POFUT3: variants seen among roughly 807,000 people sequenced by gnomAD.
The protein encoded by POFUT3 is protein O-fucosyltransferase 3.
chr8:33,432,013 T>C, the POFUT3 span, among the ~76,000 whole-genome samples: 2 of 152,164 alleles, frequency 1.3e-5, no homozygotes, highest in Admixed American at 6.6e-5. Flanking sequence ...CAGTGGCTTA[T>C]GCCTATAATC....
chr8:33,372,713 G>C, the POFUT3 span: 3 of 1,614,084 alleles, frequency 1.9e-6, no homozygotes, highest in East Asian at 2.2e-5. Flanking sequence ...AGAGCTCAAA[G>C]GTGGAGTCCG....
the POFUT3 span, among the ~76,000 whole-genome samples, chr8:33,447,485 C>A: frequency 2.0e-5 from 3 of 152,082 alleles, no homozygotes; most frequent in Non-Finnish European, 4.4e-5. Flanking sequence ...TTTTCCTCCT[C>A]ACTTCAATAA....
chr8:33,316,445 G>C, the POFUT3 span, among the ~76,000 whole-genome samples: 1 of 151,986 alleles, frequency 6.6e-6, no homozygotes, highest in African/African-American at 2.4e-5. Flanking sequence ...TTTTAGCCAG[G>C]CACGGTGGCT....
At chr8:33,389,851 T>G in the POFUT3 span, 4 of 1,306,406 alleles carry the variant, frequency 3.1e-6, no homozygotes, top group Non-Finnish European at 4.4e-6. Context: ...TGTTGCTAAG[T>G]TTGGGTCTAC....
chr8:33,410,154 C>T, the POFUT3 span, among the ~76,000 whole-genome samples: 3 of 151,888 alleles, frequency 2.0e-5, no homozygotes, highest in African/African-American at 4.8e-5. Flanking sequence ...AGGAAGTGTC[C>T]GAGAGTTGAC....
the POFUT3 span, chr8:33,372,879 T>G: frequency 7.4e-7 from 1 of 1,350,340 alleles, no homozygotes; most frequent in East Asian, 2.4e-5. Flanking sequence ...CAACAGACTT[T>G]CCTTAAAACA....
chr8:33,411,120 G>A, the POFUT3 span, among the ~76,000 whole-genome samples: 9 of 152,218 alleles, frequency 5.9e-5, no homozygotes, highest in Non-Finnish European at 1.3e-4. Flanking sequence ...TGGCACCACA[G>A]AGATATTGTT....
chr8:33,473,012 A>C, the POFUT3 span: 1 of 151,614 alleles, frequency 6.6e-6, no homozygotes, highest in African/African-American at 2.4e-5. Flanking sequence ...TCAAGCCCCT[A>C]CCCCCACCAA....
At chr8:33,336,646 C>T in the POFUT3 span, among the ~76,000 whole-genome samples, 1 of 152,054 alleles carries the variant, frequency 6.6e-6, no homozygotes, top group African/African-American at 2.4e-5. Flanking sequence ...GGGGATTTCA[C>T]CCTGAAAAAG....
chr8:33,460,745 C>G, the POFUT3 span: 1 of 985,166 alleles, frequency 1.0e-6, no homozygotes, highest in Non-Finnish European at 1.2e-6. Context: ...CTGCCTGACA[C>G]GTCCATTCAC....
the POFUT3 span, among the ~76,000 whole-genome samples, chr8:33,394,647 C>A: frequency 6.6e-6 from 1 of 151,032 alleles, no homozygotes; most frequent in Non-Finnish European, 1.5e-5. Context: ...ACATGATATA[C>A]ATGAAAGGTT....
chr8:33,390,249 G>A, the POFUT3 span, among the ~76,000 whole-genome samples: 1 of 151,950 alleles, frequency 6.6e-6, no homozygotes, highest in Admixed American at 6.6e-5. Context: ...CAGTGTCACT[G>A]CAAAGTGCCT....
chr8:33,389,004 C>T, the POFUT3 span: 25 of 1,614,188 alleles, frequency 1.5e-5, no homozygotes, highest in Non-Finnish European at 8.5e-7. Flanking sequence ...TTGGTGCACA[C>T]CATACACTCA....
chr8:33,441,264 G>T, the POFUT3 span, among the ~76,000 whole-genome samples: 3 of 150,724 alleles, frequency 2.0e-5, no homozygotes, highest in East Asian at 5.9e-4. Flanking sequence ...CCGGGAAGCA[G>T]AGGTTGCAGT....
chr8:33,371,912 T>A, the POFUT3 span: 9 of 152,498 alleles, frequency 5.9e-5, no homozygotes, highest in African/African-American at 2.2e-4. Flanking sequence ...ATCTCACTAA[T>A]CAAAACACAC....
the POFUT3 span, among the ~76,000 whole-genome samples, chr8:33,320,161 T>A: frequency 1.3e-5 from 2 of 151,962 alleles, no homozygotes; most frequent in Admixed American, 1.3e-4. Context: ...AACCTTTTAA[T>A]TGCTGATGAT....
the POFUT3 span, among the ~76,000 whole-genome samples, chr8:33,386,172 C>G: frequency 0.051 from 6,045 of 117,724 alleles, 460 homozygotes; most frequent in African/African-American, 0.19. Context: ...CTGGACAACA[C>G]AGCAAGGCTC....
chr8:33,440,493 C>T, the POFUT3 span, among the ~76,000 whole-genome samples: 1 of 152,144 alleles, frequency 6.6e-6, no homozygotes, highest in Non-Finnish European at 1.5e-5. Flanking sequence ...CCGCACCTAA[C>T]CCATAATAGG....
chr8:33,354,530 T>G, the POFUT3 span, among the ~76,000 whole-genome samples: 1 of 152,212 alleles, frequency 6.6e-6, no homozygotes, highest in Non-Finnish European at 1.5e-5. Context: ...CTTGGCCTTT[T>G]TGTTCTATCT....
Sources: allele counts gnomAD v4.1 joint callset (sites outside exome capture counted in the v4.1 genomes callset), GRCh38; gene constraint gnomAD v4.1.1; transcripts MANE v1.5; gene names NCBI Gene and HGNC (gene_info 2026-07-23, HGNC 2026-07-21).